The following ZFAT variants were observed in gnomAD, a reference collection of about 807,000 sequenced individuals.
The protein encoded by ZFAT is zinc finger and AT-hook domain containing, also known as zinc finger protein ZFAT.
ZFAT carries 64 observed loss-of-function variants against 117.7 expected under a neutral mutation model. That is an observed-to-expected ratio of 0.54 (90% confidence interval 0.44 to 0.67). The LOEUF (loss-of-function observed/expected upper bound fraction) is 0.67. Among genes scored for constraint, ZFAT ranks in the 30% least tolerant of loss-of-function variants. ZFAT has a pLI of 0.00. For missense variants in ZFAT, 1,433 were observed against 1,584.5 expected, an observed-to-expected ratio of 0.90 and a Z score of 1.62; for synonymous variants, 679 against 615.0, an observed-to-expected ratio of 1.10 and a Z score of -1.54.
intron 1 of ZFAT, among the ~76,000 whole-genome samples, chr8:134,676,174 T>C (rs182996277): frequency 6.0e-5 from 9 of 149,708 alleles, no homozygotes; most frequent in African/African-American, 9.9e-5. Context: ...GTGTGCTGTA[T>C]TCAGGAGACC....
the ZFAT span, among the ~76,000 whole-genome samples, chr8:134,799,998 T>G: frequency 6.6e-6 from 1 of 152,146 alleles, no homozygotes; most frequent in Non-Finnish European, 1.5e-5. Context: ...AGAAAACCAC[T>G]GAGGTATGGA....
At chr8:134,824,605 C>G in the ZFAT span, among the ~76,000 whole-genome samples, 1 of 152,300 alleles carries the variant, frequency 6.6e-6, no homozygotes, top group East Asian at 1.9e-4. Flanking sequence ...TATCTCTACA[C>G]AAATATGTTC....
intron 15 of ZFAT, among the ~76,000 whole-genome samples, chr8:134,507,704 C>T (rs1414415046): frequency 6.6e-6 from 1 of 152,216 alleles, no homozygotes; most frequent in Admixed American, 6.5e-5. Flanking sequence ...TCGTGTATCA[C>T]TGCATTGCCT....
chr8:134,791,866 C>G, the ZFAT span, among the ~76,000 whole-genome samples: 1 of 151,964 alleles, frequency 6.6e-6, no homozygotes, highest in Admixed American at 6.6e-5. Context: ...AAAGCTTTGT[C>G]TTTGTGAAAA....
intron 11 of ZFAT, among the ~76,000 whole-genome samples, chr8:134,543,516 G>A (rs1822441991): frequency 6.6e-6 from 1 of 152,270 alleles, no homozygotes; most frequent in Non-Finnish European, 1.5e-5. Flanking sequence ...TCAGCACACA[G>A]GAGGCTGTTC....
the ZFAT span, among the ~76,000 whole-genome samples, chr8:134,820,802 T>C: frequency 6.6e-6 from 1 of 152,320 alleles, no homozygotes; most frequent in South Asian, 2.1e-4. Flanking sequence ...TTTGAAATAA[T>C]AGTCTACCAC....
At chr8:134,495,379 C>T (rs181834179) in intron 15 of ZFAT, among the ~76,000 whole-genome samples, 43 of 152,222 alleles carry the variant, frequency 2.8e-4, no homozygotes, top group Admixed American at 1.7e-3. Flanking sequence ...TCCACTCACA[C>T]GACCTAATCA....
the ZFAT span, among the ~76,000 whole-genome samples, chr8:134,753,208 A>T: frequency 1.3e-5 from 2 of 149,294 alleles, no homozygotes; most frequent in Admixed American, 6.8e-5. Flanking sequence ...CTCTAAAAAA[A>T]ACAACACAAA....
chr8:134,494,409 C>A (rs757424489), intron 15 of ZFAT, among the ~76,000 whole-genome samples: 1 of 152,178 alleles, frequency 6.6e-6, no homozygotes, highest in Non-Finnish European at 1.5e-5. Context: ...CAGGATCGAT[C>A]CGCTGCCCTT....
chr8:134,574,120 C>T (rs1040140781), intron 10 of ZFAT, among the ~76,000 whole-genome samples: 17 of 152,166 alleles, frequency 1.1e-4, no homozygotes, highest in African/African-American at 2.7e-4. Flanking sequence ...TGACTCTCCA[C>T]GTTGAAGGAA....
the ZFAT span, chr8:134,804,930 G>C: frequency 3.7e-6 from 2 of 533,554 alleles, no homozygotes; most frequent in South Asian, 2.8e-5. Flanking sequence ...TTCCAGTCGG[G>C]GATGTTTACA....
intron 14 of ZFAT, chr8:134,510,126 G>A: frequency 2.2e-6 from 1 of 459,396 alleles, no homozygotes. Context: ...GGAGCACCCA[G>A]CAAGCCCGTT....
chr8:134,648,922 C>T (rs183242917), intron 2 of ZFAT, among the ~76,000 whole-genome samples: 23 of 151,906 alleles, frequency 1.5e-4, no homozygotes, highest in African/African-American at 5.1e-4. Flanking sequence ...AAGGATTATG[C>T]AACATGACCA....
intron 1 of ZFAT, among the ~76,000 whole-genome samples, chr8:134,689,814 C>T (rs1833508981): frequency 6.6e-6 from 1 of 152,240 alleles, no homozygotes; most frequent in Non-Finnish European, 1.5e-5. Context: ...CACACTCCAG[C>T]CCAGGCCTGT....
At chr8:134,479,366 G>A (rs904505587) in intron 15 of ZFAT, among the ~76,000 whole-genome samples, 6 of 152,214 alleles carry the variant, frequency 3.9e-5, no homozygotes, top group African/African-American at 9.6e-5. Flanking sequence ...CTGGGTATCC[G>A]TCAGGGGATG....
At chr8:134,690,747 A>AAATACAAAATAACCAAATACAAAATAACC (rs1833546789) in intron 1 of ZFAT, among the ~76,000 whole-genome samples, 1 of 152,338 alleles carries the variant, frequency 6.6e-6, no homozygotes, top group Admixed American at 6.5e-5. Flanking sequence ...CCTGGTAACC[A>AAATACAAAATAACCAAATACAAAATAACC]AAATACAAAA....
At chr8:134,667,928 C>T (rs987582507) in intron 1 of ZFAT, among the ~76,000 whole-genome samples, 3 of 152,164 alleles carry the variant, frequency 2.0e-5, no homozygotes, top group East Asian at 1.9e-4. Flanking sequence ...ACTTTTCCAA[C>T]AGTCTTAGCA....
chr8:134,783,232 C>T, the ZFAT span, among the ~76,000 whole-genome samples: 10 of 152,102 alleles, frequency 6.6e-5, no homozygotes, highest in East Asian at 5.8e-4. Context: ...AAAAGTATTC[C>T]GTAAGTCAAG....
chr8:134,683,786 G>A (rs1207307872), intron 1 of ZFAT, among the ~76,000 whole-genome samples: 2 of 152,120 alleles, frequency 1.3e-5, no homozygotes, highest in Non-Finnish European at 2.9e-5. Context: ...GAGACAGGGG[G>A]TGGGGCACTT....
Sources: gnomAD v4.1 joint callset for allele counts (sites outside exome capture counted in the v4.1 genomes callset) on GRCh38, gnomAD v4.1.1 for gene constraint, MANE v1.5 for transcripts, NCBI Gene and HGNC (gene_info 2026-07-23, HGNC 2026-07-21) for gene names.